Variants in SLC17A3 observed in about 807,000 individuals in gnomAD.
SLC17A3 encodes the protein solute carrier family 17 member 3.
A neutral mutation model predicts 60.3 loss-of-function variants in SLC17A3; 61 were observed. The observed-to-expected ratio is 1.01, with a 90% CI of 0.82 to 1.25. The LOEUF (loss-of-function observed/expected upper bound fraction) is 1.25, where lower values mean the gene tolerates loss of function less well. Among genes scored for constraint, SLC17A3 ranks in the 50% most tolerant of loss-of-function variants. The pLI, the probability that SLC17A3 is intolerant of heterozygous loss-of-function variation, is 0.00. For missense variants in SLC17A3, 624 were observed against 594.9 expected (o/e 1.05, Z -0.51); for synonymous variants, 192 against 208.9 (o/e 0.92, Z 0.70).
At chr6:25,853,323 G>T (rs1765309089) in intron 6 of SLC17A3, among the ~76,000 whole-genome samples, 1 of 142,250 alleles carries the variant, frequency 7.0e-6, no homozygotes, top group African/African-American at 2.6e-5. Flanking sequence ...CTAAAGATTT[G>T]TCAATGCTAT....
chr6:25,853,069 C>A (rs554389858), intron 6 of SLC17A3, among the ~76,000 whole-genome samples: 61 of 152,270 alleles, frequency 4.0e-4, no homozygotes, highest in Non-Finnish European at 7.5e-4. Flanking sequence ...TACTGAGGAA[C>A]AACATTTATG....
rs145270666 is a variant in SLC17A3 at position 25,845,226 on chromosome 6, G to A, written c.*75C>T. The A allele has an allele frequency of 3.0e-4, 236 of 778,276 alleles. No individual in the cohort carries two copies. Among genetic ancestry groups the A allele is most frequent in the African/African-American group, 2.4e-3 (139 of 57,106 alleles). 48.2% of individuals were successfully genotyped at this position (778,276 alleles called of 1,614,324 possible). A position where few individuals can be genotyped will look rare whatever the true frequency, so the allele number is the denominator to read the frequency against. ...CAGGAAAAAAAAAATCTTTTCACTG[G>A]TATTTTCATCACGGAAGCCTTCTAT... is the stretch of plus-strand genomic sequence containing the variant. On this transcript the variant is annotated 3_prime_UTR_variant, in exon 13 of 13. Coordinates refer to ENST00000397060, the MANE Select transcript of SLC17A3 (RefSeq NM_001098486.2).
intron 11 of SLC17A3, 99 bp from the exon 12 acceptor site, chr6:25,845,615 C>A (rs541812348): frequency 7.2e-7 from 1 of 1,385,058 alleles, no homozygotes; most frequent in Non-Finnish European, 1.0e-6. Context: ...GGTGGGTTTC[C>A]TTGTAGAAAT....
chr6:25,868,448 C>T (rs2151527762), intron 1 of SLC17A3, 28 bp from the exon 2 acceptor site: 1 of 1,381,868 alleles, frequency 7.2e-7, no homozygotes, highest in Non-Finnish European at 1.0e-6. Flanking sequence ...AATTCACATG[C>T]ATCAGTTGAG....
At chr6:25,847,671 G>A (rs1022496723) in intron 11 of SLC17A3, among the ~76,000 whole-genome samples, 3 of 151,044 alleles carry the variant, frequency 2.0e-5, no homozygotes, top group Non-Finnish European at 4.4e-5. Context: ...GTGATATTTA[G>A]CTTTTTTCAT....
intron 6 of SLC17A3, among the ~76,000 whole-genome samples, chr6:25,853,844 C>A (rs577133400): frequency 2.4e-4 from 37 of 152,214 alleles, no homozygotes; most frequent in African/African-American, 8.9e-4. Context: ...CTAATATAAG[C>A]ATTTAATGTT....
rs1561854161 is a variant in SLC17A3 at position 25,850,788 on chromosome 6, C to T, written c.802G>A (p.Glu268Lys). The part of the protein sequence containing the change: ...SYPWISTSEK[E>K]YIISSLKQQV... ...TGTTTCAAGGAGGATATGATGTATT[C>T]TTTTTCTGAGGTGCTTATCCATGGA... The change falls in exon 7 of 13, where the codon GAA becomes AAA. Residue 268 changes from glutamate to lysine, a missense_variant. Coordinates refer to ENST00000397060, the MANE Select transcript of SLC17A3 (RefSeq NM_001098486.2). 3 of 1,613,916 alleles carry T rather than the reference C, an allele frequency of 1.9e-6. No individual in the cohort carries two copies. The highest frequency in any genetic ancestry group is 2.5e-6 in the Non-Finnish European group (3 of 1,179,832).
intron 2 of SLC17A3, among the ~76,000 whole-genome samples, chr6:25,866,303 A>T (rs1357814090): frequency 1.3e-5 from 2 of 152,062 alleles, no homozygotes; most frequent in Non-Finnish European, 2.9e-5. Flanking sequence ...AATGGCCTTC[A>T]GCCAAAATCT....
chr6:25,864,473 T>G (rs1765503011), intron 2 of SLC17A3, among the ~76,000 whole-genome samples: 1 of 152,000 alleles, frequency 6.6e-6, no homozygotes, highest in Non-Finnish European at 1.5e-5. Flanking sequence ...GTAGCTAAGA[T>G]GTGGTCAGAC....
At position 25,849,366 on chromosome 6, in the gene SLC17A3, A is replaced by G. The variant is rs1221383579; in HGVS notation, c.1362+8T>C. The G allele has an allele frequency of 6.4e-6, 10 of 1,561,398 alleles. No homozygotes were observed. The highest frequency in any genetic ancestry group is 8.8e-6 in the Non-Finnish European group (10 of 1,132,790). On this transcript the variant is annotated splice_region_variant and intron_variant, in intron 11 of 12. Coordinates refer to ENST00000397060, the MANE Select transcript of SLC17A3 (RefSeq NM_001098486.2). ...TCTTTGGAGTCCTTCATGACAAAAA[A>G]ATTGTACCTGACTAAGAAGAAATCC...
intron 6 of SLC17A3, among the ~76,000 whole-genome samples, chr6:25,853,406 G>GTTTTTT (rs70977233): frequency 1.7e-5 from 1 of 58,726 alleles, no homozygotes; most frequent in Non-Finnish European, 3.1e-5. Flanking sequence ...ATTTCTGCAT[G>GTTTTTT]TTTTTTTTTT....
At position 25,845,285 on chromosome 6, in the gene SLC17A3, C is replaced by T. The variant is rs1329484594; in HGVS notation, c.*16G>A. The T allele has an allele frequency of 3.4e-6, 5 of 1,463,314 alleles. No homozygotes were observed. The highest frequency in any genetic ancestry group is 4.5e-5 in the East Asian group (2 of 44,010). 90.6% of individuals were successfully genotyped at this position (1,463,314 alleles called of 1,614,324 possible). On this transcript the variant is annotated 3_prime_UTR_variant, in exon 13 of 13. Transcript: ENST00000397060. ...ATACGGTGCCTAATGACTTTTCCAT[C>T]CAAGGTGGGATAACTAAGAAAGGAA...
chr6:25,873,442 G>T (rs1307764621), intron 1 of SLC17A3, among the ~76,000 whole-genome samples: 1 of 152,036 alleles, frequency 6.6e-6, no homozygotes, highest in African/African-American at 2.4e-5. Context: ...TGTTCTAACA[G>T]CATCTTCCCA....
At chr6:25,846,211 T>A (rs1345585535) in intron 11 of SLC17A3, among the ~76,000 whole-genome samples, 1 of 152,214 alleles carries the variant, frequency 6.6e-6, no homozygotes, top group Admixed American at 6.5e-5. Flanking sequence ...ATAACCAGAA[T>A]TACTTGCCTT....
intron 6 of SLC17A3, among the ~76,000 whole-genome samples, chr6:25,853,001 T>A (rs776172700): frequency 1.5e-4 from 23 of 152,204 alleles, no homozygotes; most frequent in Non-Finnish European, 3.2e-4. Context: ...GGTCTGGCCA[T>A]CACCATTTGT....
chr6:25,860,897 CAG>C (rs1765435451), intron 5 of SLC17A3, among the ~76,000 whole-genome samples: 2 of 152,158 alleles, frequency 1.3e-5, no homozygotes, highest in South Asian at 2.1e-4. Flanking sequence ...TTCTAAATGG[CAG>C]AGACTAATCC....
rs2151519788 is a variant in SLC17A3, at chr6:25,850,901, T to C, written c.713-24A>G. 2.5e-6 allele frequency: 4 copies of C among 1,573,802 alleles called. No homozygotes were observed. The South Asian group carries it at 3.3e-5, about 13-fold the overall frequency. On this transcript the variant is annotated intron_variant, in intron 6 of 12. Coordinates refer to ENST00000397060, the MANE Select transcript of SLC17A3 (RefSeq NM_001098486.2). ...TCCTGTAAGCACAGGGTAAATTTGGTAAATGGGCTGTTTTCTGCTTTTTGG... is the reference window on the plus strand; with the variant it reads ...TCCTGTAAGCACAGGGTAAATTTGGCAAATGGGCTGTTTTCTGCTTTTTGG...
In SLC17A3 at chr6:25,852,152, G is replaced by A. The variant is rs77596856; in HGVS notation, c.713-1275C>T. Among the ~76,000 whole-genome samples the A allele has an allele frequency of 1.6e-3, 248 of 152,010 alleles. 5 individuals are homozygous for A. The East Asian group carries it at 0.027, about 17-fold the overall frequency. ...GTTTGTTTTTTTGCACTACTTTAAA[G>A]ATGTTGTTCCACTGCCTTCTCTCTT... On this transcript the variant is annotated intron_variant, in intron 6 of 12. Transcript: ENST00000397060.
rs1484886708 is a variant in SLC17A3, at chr6:25,845,454, T to C, written c.1425A>G (p.Leu475=). The change falls in exon 12 of 13, where the codon CTA becomes CTG. Residue 475 remains leucine (L), a synonymous_variant. Transcript: ENST00000397060. ...FLLFAVNLLG[L]LFYLIFGEAD... ...CTTCTCCAAATATGAGGTAGAAGAG[T>C]AGTCCTAACAGGTTAACGGCAAACA... 8.1e-6 allele frequency: 13 copies of C among 1,613,676 alleles called. No homozygotes were observed. The African/African-American group carries it at 1.1e-4, about 13-fold the overall frequency.
Sources: gnomAD v4.1 joint callset for allele counts (sites outside exome capture counted in the v4.1 genomes callset) on GRCh38, gnomAD v4.1.1 for gene constraint, MANE v1.5 for transcripts, NCBI Gene and HGNC (gene_info 2026-07-23, HGNC 2026-07-21) for gene names.